Variants in VPS13B observed in about 807,000 individuals in gnomAD.
VPS13B encodes the protein vacuolar protein sorting 13 homolog B, also known as intermembrane lipid transfer protein VPS13B.
A neutral mutation model predicts 426.4 loss-of-function variants in VPS13B; 285 were observed. That is an observed-to-expected ratio of 0.67 (90% CI 0.61 to 0.74). VPS13B has a LOEUF of 0.74. Among genes scored for constraint, VPS13B ranks in the 30% least tolerant of loss-of-function variants. The pLI, the probability that VPS13B is intolerant of heterozygous loss-of-function variation, is 0.00. For missense variants in VPS13B, 4,537 were observed against 4,782.6 expected (o/e 0.95, Z 1.51); for synonymous variants, 1,676 against 1,676.4 (o/e 1.00, Z 0.01).
At chr8:99,037,174 G>T (rs970759800) in intron 2 of VPS13B, among the ~76,000 whole-genome samples, 8 of 151,968 alleles carry the variant, frequency 5.3e-5, no homozygotes, top group Non-Finnish European at 1.2e-4. Context: ...AGAAATTAAT[G>T]CATTTTAAAA....
At chr8:99,423,464 TACC>T in intron 21 of VPS13B, among the ~76,000 whole-genome samples, 1 of 151,482 alleles carries the variant, frequency 6.6e-6, no homozygotes, top group South Asian at 2.1e-4. Flanking sequence ...GAGGTGGTTT[TACC>T]ATGTTAGCCA....
At position 99,016,743 on chromosome 8, in the gene VPS13B, A is replaced by G. The variant is rs548011324; in HGVS notation, c.147+2808A>G. On this transcript the variant is annotated intron_variant, in intron 2 of 61. Coordinates refer to ENST00000357162, the MANE Select transcript of VPS13B (RefSeq NM_152564.5). ...AGTAACTGGACTGCAGGCGCCCGCC[A>G]CCATGCCCGGCTAATTTTTTGTATT... Among the ~76,000 whole-genome samples, 16 of 151,848 alleles carry G rather than the reference A, an allele frequency of 1.1e-4. No homozygotes were observed. The South Asian group carries it at 3.3e-3, about 32-fold the overall frequency.
At chr8:99,596,549 C>T (rs1008845082) in intron 33 of VPS13B, among the ~76,000 whole-genome samples, 5 of 151,936 alleles carry the variant, frequency 3.3e-5, no homozygotes, top group African/African-American at 1.2e-4. Flanking sequence ...AGGTATCTCA[C>T]TGGCTTGGTC....
chr8:99,481,424 A>C (rs1820031881), intron 24 of VPS13B, among the ~76,000 whole-genome samples, 175 bp from the exon 25 acceptor site: 1 of 152,224 alleles, frequency 6.6e-6, no homozygotes, highest in African/African-American at 2.4e-5. Flanking sequence ...AATATCACAG[A>C]GTGAGTATGA....
At chr8:99,754,388 G>A (rs993533171) in intron 39 of VPS13B, among the ~76,000 whole-genome samples, 12 of 152,086 alleles carry the variant, frequency 7.9e-5, no homozygotes, top group African/African-American at 1.4e-4. Flanking sequence ...GTCTCCTACT[G>A]TAAATTATAA....
rs1442664639 is a variant in VPS13B, at chr8:99,354,351, C to T, written c.2825-29857C>T. 5.6e-5 allele frequency among the ~76,000 whole-genome samples: 7 copies of T among 125,828 alleles called. No individual in the cohort carries two copies. The Admixed American group carries it at 5.6e-4, about 10-fold the overall frequency. 82.5% of individuals were successfully genotyped at this position (125,828 alleles called of 152,430 possible). On this transcript the variant is annotated intron_variant, in intron 19 of 61. Transcript: ENST00000357162. Reference sequence around the variant, plus strand: ...TTCTAAACAATAAAGAACAAATATCCCAGGATACAAAGAAATGGGAAACTT... The same window carrying T: ...TTCTAAACAATAAAGAACAAATATCTCAGGATACAAAGAAATGGGAAACTT...
chr8:99,420,892 G>GTTT (rs1275938183), intron 21 of VPS13B, among the ~76,000 whole-genome samples: 6 of 152,130 alleles, frequency 3.9e-5, no homozygotes, highest in Non-Finnish European at 8.8e-5. Context: ...AAGGAGTACA[G>GTTT]TTGTGTTTCA....
At chr8:99,539,951 T>G (rs920998693) in intron 30 of VPS13B, among the ~76,000 whole-genome samples, 3 of 139,096 alleles carry the variant, frequency 2.2e-5, no homozygotes, top group African/African-American at 7.9e-5. Flanking sequence ...TATATTTATA[T>G]ATAGCATTTA....
At position 99,121,410 on chromosome 8, in the gene VPS13B, G is replaced by T; in HGVS notation, c.1171G>T (p.Gly391Ter). ...QTLKDPIVSI[G>*]FYCTKATVTF... ...TTTGAAGGATCCTATTGTTTCTATAGGATTTTATTGCACAAAGGCAACGGT... is the reference window on the plus strand; with the variant it reads ...TTTGAAGGATCCTATTGTTTCTATATGATTTTATTGCACAAAGGCAACGGT... The change falls in exon 8 of 62, where the codon GGA (glycine) becomes TGA (stop). Residue 391 changes from glycine (G) to a stop codon, truncating the protein, a stop_gained. Transcript: ENST00000357162. LOFTEE classifies it high-confidence loss of function. 5 of 1,614,158 alleles carry T rather than the reference G, an allele frequency of 3.1e-6. No homozygotes were observed. Among genetic ancestry groups the T allele is most frequent in the Non-Finnish European group, 4.2e-6 (5 of 1,180,010 alleles).
At chr8:99,560,577 T>A (rs985096173) in intron 31 of VPS13B, among the ~76,000 whole-genome samples, 2 of 152,180 alleles carry the variant, frequency 1.3e-5, no homozygotes, top group African/African-American at 4.8e-5. Flanking sequence ...AGTGATTGAA[T>A]GTGCCCCTGA....
chr8:99,165,407 T>A (rs913632675), intron 15 of VPS13B, among the ~76,000 whole-genome samples: 1 of 152,238 alleles, frequency 6.6e-6, no homozygotes, highest in South Asian at 2.1e-4. Flanking sequence ...ATCGTTTGAA[T>A]ATGTATGGTA....
At chr8:99,386,345 C>G (rs981517742) in intron 20 of VPS13B, among the ~76,000 whole-genome samples, 2 of 152,056 alleles carry the variant, frequency 1.3e-5, no homozygotes, top group African/African-American at 2.4e-5. Context: ...GGGATACATT[C>G]TGAGAAATGC....
chr8:99,803,081 G>T (rs1415435921), intron 43 of VPS13B, among the ~76,000 whole-genome samples: 3 of 152,128 alleles, frequency 2.0e-5, no homozygotes, highest in African/African-American at 7.2e-5. Context: ...AAATAGCACT[G>T]GGATAAACAT....
At chr8:99,064,042 CAGAA>C (rs1844341262) in intron 3 of VPS13B, among the ~76,000 whole-genome samples, 1 of 152,196 alleles carries the variant, frequency 6.6e-6, no homozygotes, top group Non-Finnish European at 1.5e-5. Flanking sequence ...AACTAACAAA[CAGAA>C]AGGCATAGCA....
chr8:99,402,115 G>C (rs924791277), intron 21 of VPS13B, among the ~76,000 whole-genome samples: 1 of 152,108 alleles, frequency 6.6e-6, no homozygotes, highest in African/African-American at 2.4e-5. Context: ...TTATCCTGTG[G>C]TGCAGATTCA....
intron 25 of VPS13B, among the ~76,000 whole-genome samples, chr8:99,497,699 C>G (rs141913822): frequency 4.2e-4 from 64 of 152,102 alleles, no homozygotes; most frequent in Admixed American, 3.0e-3. Flanking sequence ...TAGCAAAACT[C>G]TTGTCAGTTT....
chr8:99,450,996 T>G (rs1818169926), intron 23 of VPS13B, among the ~76,000 whole-genome samples: 2 of 152,210 alleles, frequency 1.3e-5, no homozygotes, highest in African/African-American at 4.8e-5. Flanking sequence ...GCAGAAAATA[T>G]GGTACAAAAT....
At chr8:99,365,254 A>G (rs1812794962) in intron 19 of VPS13B, among the ~76,000 whole-genome samples, 2 of 144,116 alleles carry the variant, frequency 1.4e-5, no homozygotes, top group Admixed American at 1.4e-4. Flanking sequence ...TATTTTCTTC[A>G]TTTCAATTTC....
chr8:99,662,402 G>A (rs1262865314), intron 35 of VPS13B, among the ~76,000 whole-genome samples: 1 of 151,750 alleles, frequency 6.6e-6, no homozygotes, highest in Non-Finnish European at 1.5e-5. Context: ...GTTACCCATG[G>A]AATGAGTATT....
Sources: gnomAD v4.1 joint callset for allele counts (sites outside exome capture counted in the v4.1 genomes callset) on GRCh38, gnomAD v4.1.1 for gene constraint, MANE v1.5 for transcripts, NCBI Gene and HGNC (gene_info 2026-07-23, HGNC 2026-07-21) for gene names.